ARHGAP25: variants seen among roughly 807,000 people sequenced by gnomAD.
ARHGAP25 encodes rho GTPase-activating protein 25.
Under a neutral mutation model 71.0 loss-of-function variants are expected in ARHGAP25, and 34 were observed. The observed-to-expected ratio is 0.48, with a 90% CI of 0.36 to 0.64. The LOEUF is 0.64. Ranked by LOEUF, ARHGAP25 falls within the 30% of genes least tolerant of loss-of-function variation. The pLI, the probability that ARHGAP25 is intolerant of heterozygous loss-of-function variation, is 0.00. For missense variants in ARHGAP25, 706 were observed against 805.1 expected, an observed-to-expected ratio of 0.88 and a Z score of 1.49; for synonymous variants, 282 against 296.5, an observed-to-expected ratio of 0.95 and a Z score of 0.50.
chr2:68,785,549 G>A (rs1678694666), intron 3 of ARHGAP25, among the ~76,000 whole-genome samples: 2 of 151,690 alleles, frequency 1.3e-5, no homozygotes, highest in Admixed American at 1.3e-4. Flanking sequence ...TTTTTCGGGG[G>A]TTTGGGGGTA....
intron 1 of ARHGAP25, among the ~76,000 whole-genome samples, chr2:68,768,112 AC>A (rs1677240804): frequency 6.6e-6 from 1 of 152,212 alleles, no homozygotes; most frequent in Non-Finnish European, 1.5e-5. Context: ...CTAGTTGTTA[AC>A]TGGAGCAGAT....
At chr2:68,810,355 G>C (rs4854458) in intron 5 of ARHGAP25, among the ~76,000 whole-genome samples, 45,562 of 152,064 alleles carry the variant, frequency 0.3, 7,111 homozygotes, top group East Asian at 0.44. Flanking sequence ...ACTTAGAACA[G>C]GGGCTTTTCA....
At chr2:68,802,137 C>T (rs757054661) in intron 4 of ARHGAP25, among the ~76,000 whole-genome samples, 4 of 152,192 alleles carry the variant, frequency 2.6e-5, no homozygotes, top group East Asian at 1.9e-4. Flanking sequence ...AGGCCGGGCG[C>T]GGTGGCTCAT....
chr2:68,737,062 T>G (rs1675260261), intron 1 of ARHGAP25, among the ~76,000 whole-genome samples: 1 of 152,082 alleles, frequency 6.6e-6, no homozygotes, highest in Non-Finnish European at 1.5e-5. Flanking sequence ...GAAAAAATAA[T>G]AATAAGGACA....
chr2:68,769,601 GGGAAGACA>G (rs1249038244), intron 1 of ARHGAP25, among the ~76,000 whole-genome samples: 1 of 152,114 alleles, frequency 6.6e-6, no homozygotes, highest in East Asian at 1.9e-4. Flanking sequence ...CAAGTGGAGA[GGGAAGACA>G]GGAAAAGAAA....
At chr2:68,800,539 G>A (rs545999232) in intron 4 of ARHGAP25, among the ~76,000 whole-genome samples, 21 of 152,226 alleles carry the variant, frequency 1.4e-4, no homozygotes, top group African/African-American at 4.6e-4. Context: ...CATGGTATGA[G>A]GGGAGGTGGG....
chr2:68,812,323 G>A (rs1314876825), intron 5 of ARHGAP25, among the ~76,000 whole-genome samples: 1 of 152,204 alleles, frequency 6.6e-6, no homozygotes, highest in East Asian at 1.9e-4. Context: ...CTCCCAGGCT[G>A]TACAAATAGA....
chr2:68,750,633 A>T (rs1470964983), intron 1 of ARHGAP25, among the ~76,000 whole-genome samples: 1 of 152,102 alleles, frequency 6.6e-6, no homozygotes, highest in African/African-American at 2.4e-5. Context: ...GCACTTTTTA[A>T]TTTTTGGAAA....
chr2:68,777,807 A>G (rs1230036754), intron 2 of ARHGAP25, among the ~76,000 whole-genome samples: 3 of 152,230 alleles, frequency 2.0e-5, no homozygotes, highest in Non-Finnish European at 4.4e-5. Flanking sequence ...GTTGATATGT[A>G]TCATTTGATT....
intron 2 of ARHGAP25, chr2:68,710,699 G>A (rs972791547): frequency 1.3e-5 from 2 of 152,170 alleles, no homozygotes; most frequent in Admixed American, 1.3e-4. Context: ...TCTGCAGCAG[G>A]TGAGTGACAG....
intron 2 of ARHGAP25, 23 bp from the exon 3 acceptor site, chr2:68,782,210 A>C (rs1228436615): frequency 6.2e-7 from 1 of 1,609,642 alleles, no homozygotes; most frequent in Non-Finnish European, 8.5e-7. Flanking sequence ...CTTATCCTTA[A>C]GGCCTGACTT....
At chr2:68,787,125 CTCT>C (rs1229134563) in intron 3 of ARHGAP25, among the ~76,000 whole-genome samples, 1 of 152,202 alleles carries the variant, frequency 6.6e-6, no homozygotes, top group Non-Finnish European at 1.5e-5. Flanking sequence ...CACATTCTTT[CTCT>C]TCGTCTCCTT....
At position 68,735,006 on chromosome 2, in the gene ARHGAP25, G is replaced by A; in HGVS notation, c.-194G>A. The A allele has an allele frequency of 4.8e-6, 3 of 625,962 alleles. No homozygotes were observed. The highest frequency in any genetic ancestry group is 1.9e-5 in the South Asian group (1 of 52,580). The allele number at this position is 625,962 out of a possible 1,614,324, so 38.8% of individuals were successfully genotyped here. On this transcript the variant is annotated 5_prime_UTR_variant, in exon 1 of 11. Transcript: ENST00000409202. ...GGGTGCCATCCTCCAGTGACAGATG[G>A]ATGGACCTTTCATCTAAGAGAAAGG...
chr2:68,790,326 A>G (rs183358569), intron 4 of ARHGAP25, among the ~76,000 whole-genome samples: 1 of 152,166 alleles, frequency 6.6e-6, no homozygotes, highest in African/African-American at 2.4e-5. Flanking sequence ...TAGATCCCGG[A>G]ATGTGAGGGC....
intron 10 of ARHGAP25, among the ~76,000 whole-genome samples, chr2:68,824,194 T>C (rs1384968702): frequency 6.6e-6 from 1 of 152,196 alleles, no homozygotes. Flanking sequence ...AGCAGTCCCA[T>C]AGAAGGCACA....
At chr2:68,822,273 A>C in intron 9 of ARHGAP25, 67 bp from the exon 10 acceptor site, 1 of 1,501,670 alleles carries the variant, frequency 6.7e-7, no homozygotes, top group Non-Finnish European at 9.0e-7. Flanking sequence ...TCTCTAATCC[A>C]TACCTTGGGA....
intron 7 of ARHGAP25, among the ~76,000 whole-genome samples, chr2:68,817,365 A>T (rs1166819076): frequency 6.6e-6 from 1 of 152,226 alleles, no homozygotes; most frequent in Non-Finnish European, 1.5e-5. Flanking sequence ...TTTAACAAAA[A>T]TTCAGTATTA....
intron 2 of ARHGAP25, among the ~76,000 whole-genome samples, chr2:68,779,056 G>C (rs1206699668): frequency 6.6e-6 from 1 of 152,178 alleles, no homozygotes; most frequent in African/African-American, 2.4e-5. Context: ...TTACAATGAT[G>C]GTCTCAGACA....
chr2:68,773,462 G>T (rs1051423596), intron 1 of ARHGAP25, among the ~76,000 whole-genome samples: 2 of 152,156 alleles, frequency 1.3e-5, no homozygotes, highest in African/African-American at 4.8e-5. Flanking sequence ...GGTATACGTG[G>T]ACATAAATAT....
Sources: gnomAD v4.1 joint callset for allele counts (sites outside exome capture counted in the v4.1 genomes callset) on GRCh38, gnomAD v4.1.1 for gene constraint, MANE v1.5 for transcripts, NCBI Gene and HGNC (gene_info 2026-07-23, HGNC 2026-07-21) for gene names.